ATP10B: variants seen among roughly 807,000 people sequenced by gnomAD.
ATP10B encodes the protein ATPase phospholipid transporting 10B (putative), also known as phospholipid-transporting ATPase VB.
In ATP10B, 122 loss-of-function variants were observed where a neutral mutation model predicts 141.2. The ratio of observed to expected loss-of-function variants is 0.86; its 90% CI spans 0.75 to 1.00. The LOEUF is 1.00. Among genes scored for constraint, ATP10B ranks in the 50% least tolerant of loss-of-function variants. ATP10B has a pLI of 0.00. For synonymous variants in ATP10B, 685 were observed against 692.0 expected (o/e 0.99, Z 0.16); for missense variants, 1,876 against 1,825.3 (o/e 1.03, Z -0.51).
At chr5:160,922,812 C>T in the ATP10B span, among the ~76,000 whole-genome samples, 1 of 152,212 alleles carries the variant, frequency 6.6e-6, no homozygotes, top group African/African-American at 2.4e-5. Flanking sequence ...GATCCTTGCA[C>T]TCTCGGGCTT....
chr5:160,873,726 T>C, the ATP10B span, among the ~76,000 whole-genome samples: 1 of 152,214 alleles, frequency 6.6e-6, no homozygotes, highest in African/African-American at 2.4e-5. Context: ...ACTTGGGAAG[T>C]GCAAGGGGTC....
intron 7 of ATP10B, among the ~76,000 whole-genome samples, chr5:160,659,570 C>T (rs73306655): frequency 0.051 from 7,751 of 152,034 alleles, 650 homozygotes; most frequent in African/African-American, 0.17. Flanking sequence ...AAAGACCTTT[C>T]AATAGAAATG....
chr5:160,836,942 C>G (rs1775476848), intron 1 of ATP10B, among the ~76,000 whole-genome samples: 1 of 152,012 alleles, frequency 6.6e-6, no homozygotes, highest in South Asian at 2.1e-4. Flanking sequence ...TTGCTCAAGC[C>G]AAAAATGTAT....
intron 3 of ATP10B, chr5:160,692,990 C>T (rs1323551744): frequency 6.6e-6 from 1 of 152,044 alleles, no homozygotes; most frequent in Non-Finnish European, 1.5e-5. Context: ...TCTTTTGCCT[C>T]CTGATATGAT....
intron 2 of ATP10B, among the ~76,000 whole-genome samples, chr5:160,727,873 T>C (rs1454009893): frequency 6.6e-6 from 1 of 152,174 alleles, no homozygotes; most frequent in African/African-American, 2.4e-5. Context: ...TGTGACTGCC[T>C]CCACAGATCA....
At chr5:160,822,770 A>G (rs1210843924) in intron 1 of ATP10B, among the ~76,000 whole-genome samples, 2 of 151,768 alleles carry the variant, frequency 1.3e-5, no homozygotes, top group East Asian at 3.9e-4. Context: ...TAGAAAGACA[A>G]ACTTCACATA....
intron 22 of ATP10B, among the ~76,000 whole-genome samples, chr5:160,597,159 A>G (rs1465609897): frequency 1.3e-5 from 2 of 152,264 alleles, no homozygotes; most frequent in African/African-American, 4.8e-5. Flanking sequence ...ACAAGGCTAC[A>G]GTAACCAAAA....
chr5:160,591,238 G>A (rs1027896049), intron 22 of ATP10B, 99 bp from the exon 23 acceptor site: 10 of 851,170 alleles, frequency 1.2e-5, no homozygotes, highest in East Asian at 9.9e-5. Context: ...ACAACCAGAC[G>A]CATACAATGC....
intron 2 of ATP10B, among the ~76,000 whole-genome samples, chr5:160,759,642 T>A (rs78005401): frequency 6.6e-6 from 1 of 152,194 alleles, no homozygotes; most frequent in Non-Finnish European, 1.5e-5. Context: ...ATAGGCTGTA[T>A]AGGAACTGTC....
At chr5:160,680,508 G>A (rs1763317098) in intron 6 of ATP10B, among the ~76,000 whole-genome samples, 1 of 152,200 alleles carries the variant, frequency 6.6e-6, no homozygotes, top group Non-Finnish European at 1.5e-5. Context: ...GGGACATATA[G>A]TATAGAATGT....
chr5:160,907,025 T>G, the ATP10B span, among the ~76,000 whole-genome samples: 1 of 152,180 alleles, frequency 6.6e-6, no homozygotes, highest in East Asian at 1.9e-4. Context: ...CCTAGATTTC[T>G]TTTAAAAGAA....
intron 3 of ATP10B, among the ~76,000 whole-genome samples, chr5:160,704,360 T>C (rs150896677): frequency 6.6e-6 from 1 of 152,252 alleles, no homozygotes; most frequent in East Asian, 1.9e-4. Context: ...CCAGGCCAAA[T>C]AGTAATCTTT....
At chr5:160,739,597 G>C (rs1388264311) in intron 2 of ATP10B, among the ~76,000 whole-genome samples, 1 of 152,074 alleles carries the variant, frequency 6.6e-6, no homozygotes. Context: ...AATGTGCAAG[G>C]TCCGTGCACT....
chr5:160,697,250 G>A (rs899997537), intron 3 of ATP10B, among the ~76,000 whole-genome samples: 1 of 152,118 alleles, frequency 6.6e-6, no homozygotes, highest in African/African-American at 2.4e-5. Context: ...CCCTCCATAA[G>A]TTTTGTAGTG....
chr5:160,676,107 C>T (rs1253338198), intron 6 of ATP10B, among the ~76,000 whole-genome samples: 2 of 152,226 alleles, frequency 1.3e-5, no homozygotes, highest in East Asian at 3.9e-4. Context: ...ATTTGGGTTA[C>T]ATTAATACAG....
intron 2 of ATP10B, among the ~76,000 whole-genome samples, chr5:160,748,553 T>C (rs1767957614): frequency 6.6e-6 from 1 of 152,184 alleles, no homozygotes; most frequent in Non-Finnish European, 1.5e-5. Context: ...GCTCTCGGCC[T>C]GCAGAGAGGG....
At chr5:160,621,415 C>A (rs924977631) in intron 14 of ATP10B, among the ~76,000 whole-genome samples, 2 of 152,188 alleles carry the variant, frequency 1.3e-5, no homozygotes, top group Non-Finnish European at 2.9e-5. Flanking sequence ...TCTTGAGCTA[C>A]CTGCCAGCTG....
chr5:160,874,501 T>C, the ATP10B span, among the ~76,000 whole-genome samples: 4 of 152,118 alleles, frequency 2.6e-5, no homozygotes, highest in African/African-American at 4.8e-5. Flanking sequence ...AGGAACACAG[T>C]TCCTCATCAG....
chr5:160,874,358 G>T, the ATP10B span, among the ~76,000 whole-genome samples: 1 of 152,086 alleles, frequency 6.6e-6, no homozygotes, highest in Non-Finnish European at 1.5e-5. Context: ...AAACAGAAAG[G>T]ACATCCACAC....
Sources: gnomAD v4.1 joint callset for allele counts (sites outside exome capture counted in the v4.1 genomes callset) on GRCh38, gnomAD v4.1.1 for gene constraint, MANE v1.5 for transcripts, NCBI Gene and HGNC (gene_info 2026-07-23, HGNC 2026-07-21) for gene names.